Variants in DDX4 observed in about 807,000 individuals in gnomAD.
DDX4 encodes DEAD-box helicase 4.
A neutral mutation model predicts 100.0 loss-of-function variants in DDX4; 25 were observed. The ratio of observed to expected loss-of-function variants is 0.25; its 90% CI spans 0.18 to 0.35. DDX4 has a LOEUF of 0.35. DDX4 is among the 10% of genes least tolerant of loss of function. The pLI is 1.00. For synonymous variants in DDX4, 259 were observed against 275.7 expected (o/e 0.94, Z 0.60); for missense variants, 635 against 882.4 (o/e 0.72, Z 3.55).
At chr5:55,756,120 A>G (rs1759914848) in intron 3 of DDX4, among the ~76,000 whole-genome samples, 1 of 152,160 alleles carries the variant, frequency 6.6e-6, no homozygotes, top group Non-Finnish European at 1.5e-5. Context: ...GGTCATTTTT[A>G]TAGTTTCCAG....
chr5:55,788,777 C>T (rs1742383010), intron 15 of DDX4, among the ~76,000 whole-genome samples: 1 of 152,092 alleles, frequency 6.6e-6, no homozygotes, highest in Non-Finnish European at 1.5e-5. Context: ...CATAGTTTTT[C>T]TGTTTTGGCC....
At chr5:55,750,468 TG>T (rs112410213) in intron 3 of DDX4, 4 of 155,114 alleles carry the variant, frequency 2.6e-5, no homozygotes, top group Non-Finnish European at 2.9e-5. Context: ...GTCATCTTTA[TG>T]GGGGGGTGCA....
At chr5:55,799,489 C>A (rs1186070270) in intron 18 of DDX4, among the ~76,000 whole-genome samples, 1 of 152,172 alleles carries the variant, frequency 6.6e-6, no homozygotes, top group Non-Finnish European at 1.5e-5. Context: ...AGTTCTTCCA[C>A]GTCAGTCCCC....
chr5:55,755,431 A>G (rs1012529706), intron 3 of DDX4, among the ~76,000 whole-genome samples: 6 of 152,094 alleles, frequency 3.9e-5, no homozygotes, highest in Admixed American at 2.0e-4. Context: ...TTTCTCCCTT[A>G]TATCTATTAA....
rs1744418644 is a variant in DDX4 at position 55,816,378 on chromosome 5, C to G, written c.2098-85C>G. Reference sequence around the variant, plus strand: ...ATGGTAGATACTTTGAGTCCTTGCTCTCAGTCTGAGTGATGTAACTTTAAA... The same window carrying G: ...ATGGTAGATACTTTGAGTCCTTGCTGTCAGTCTGAGTGATGTAACTTTAAA... On this transcript the variant is annotated intron_variant, in intron 21 of 21. Transcript: ENST00000505374. The G allele has an allele frequency of 1.1e-5, 17 of 1,507,902 alleles. No individual in the cohort carries two copies. In the Admixed American group the frequency reaches 3.2e-4, roughly 29 times the overall value. 93.4% of individuals were successfully genotyped at this position (1,507,902 alleles called of 1,614,324 possible).
chr5:55,773,255 C>T (rs1741360971), intron 7 of DDX4: 3 of 152,200 alleles, frequency 2.0e-5, no homozygotes, highest in Admixed American at 2.0e-4. Flanking sequence ...CATGAGGGCT[C>T]TACTGTTGTG....
At chr5:55,784,414 T>C (rs1742119387) in intron 10 of DDX4, among the ~76,000 whole-genome samples, 1 of 152,194 alleles carries the variant, frequency 6.6e-6, no homozygotes, top group African/African-American at 2.4e-5. Context: ...CTCTGTCCAC[T>C]GATACAAATG....
chr5:55,758,513 G>T (rs937024398), intron 3 of DDX4, among the ~76,000 whole-genome samples: 4 of 152,020 alleles, frequency 2.6e-5, no homozygotes, highest in African/African-American at 9.7e-5. Context: ...TGTAAAACCC[G>T]ATCTCTCTGC....
intron 7 of DDX4, among the ~76,000 whole-genome samples, chr5:55,777,997 C>CA (rs1741676253): frequency 6.6e-6 from 1 of 152,084 alleles, no homozygotes; most frequent in Non-Finnish European, 1.5e-5. Flanking sequence ...GCCACTTACT[C>CA]AGCTTGATTT....
At chr5:55,798,628 T>C in intron 18 of DDX4, 57 bp downstream of exon 18, 1 of 1,477,878 alleles carries the variant, frequency 6.8e-7, no homozygotes, top group Non-Finnish European at 9.2e-7. Context: ...AATGAATAAT[T>C]TAAAAAATCA....
intron 18 of DDX4, among the ~76,000 whole-genome samples, chr5:55,799,325 A>G (rs1478664744): frequency 1.3e-5 from 2 of 151,936 alleles, no homozygotes; most frequent in Non-Finnish European, 2.9e-5. Context: ...GTCCTTCCAA[A>G]GTGCTGAGGT....
Position 55,789,314 on chromosome 5 carries a change from T to C in DDX4, c.1173-1262T>C, listed in dbSNP as rs767299898. Among the ~76,000 whole-genome samples the C allele has an allele frequency of 2.4e-4, 37 of 152,176 alleles. 1 individual carries two copies. Among genetic ancestry groups the C allele is most frequent in the Admixed American group, 6.5e-5 (1 of 15,282 alleles). On this transcript the variant is annotated intron_variant, in intron 15 of 21. Transcript: ENST00000505374. Reference sequence around the variant, plus strand: ...TCTCACCATTTTGGGGGCTTAGGAATTGGGGAACAGCTTGGCTTAGCTGGG... The same window carrying C: ...TCTCACCATTTTGGGGGCTTAGGAACTGGGGAACAGCTTGGCTTAGCTGGG...
intron 7 of DDX4, among the ~76,000 whole-genome samples, chr5:55,775,599 GTT>G (rs1169267268): frequency 2.0e-5 from 3 of 151,832 alleles, no homozygotes; most frequent in Non-Finnish European, 2.9e-5. Context: ...TCATTTTAGT[GTT>G]TTCATTTTAT....
chr5:55,804,613 G>T (rs559727546), intron 18 of DDX4, among the ~76,000 whole-genome samples: 2 of 152,112 alleles, frequency 1.3e-5, no homozygotes, highest in Non-Finnish European at 2.9e-5. Flanking sequence ...TCTCAGGTTT[G>T]TCAAAGATCA....
intron 20 of DDX4, 23 bp downstream of exon 20, chr5:55,815,194 A>T: frequency 5.0e-6 from 8 of 1,610,254 alleles, no homozygotes; most frequent in African/African-American, 1.3e-5. Flanking sequence ...TTTATGATGG[A>T]ATGGATAGTT....
At position 55,739,156 on chromosome 5, in the gene DDX4, C is replaced by T. The variant is rs941698428; in HGVS notation, c.69+124C>T. On this transcript the variant is annotated intron_variant, in intron 2 of 21. Coordinates refer to ENST00000505374, the MANE Select transcript of DDX4 (RefSeq NM_024415.3). ...TTTATCTCCATGTGATTGTTATTAA[C>T]TATTATATGGGGAATAAGAGACAAC... The T allele has an allele frequency of 2.3e-5, 15 of 657,256 alleles. No individual in the cohort carries two copies. In the African/African-American group the frequency reaches 2.4e-4, roughly 10 times the overall value. 40.7% of individuals were successfully genotyped at this position (657,256 alleles called of 1,614,324 possible). A position where few individuals can be genotyped will look rare whatever the true frequency, so the allele number is the denominator to read the frequency against.
chr5:55,816,027 C>A (rs917882053), intron 21 of DDX4, among the ~76,000 whole-genome samples: 1 of 147,220 alleles, frequency 6.8e-6, no homozygotes. Flanking sequence ...CTCAAGTGAT[C>A]CACCTGCTTC....
Position 55,811,918 on chromosome 5 carries a change from C to T in DDX4, c.1616-1755C>T, listed in dbSNP as rs747386106. 2.6e-5 allele frequency among the ~76,000 whole-genome samples: 4 copies of T among 152,026 alleles called. No individual in the cohort carries two copies. The South Asian group carries it at 6.2e-4, about 24-fold the overall frequency. ...AATACTAGCTTATTTGGCTAGTAAA[C>T]CTCTATACATTAGGAAAAACAAACC... is the stretch of plus-strand genomic sequence containing the variant. On this transcript the variant is annotated intron_variant, in intron 18 of 21. Coordinates refer to ENST00000505374, the MANE Select transcript of DDX4 (RefSeq NM_024415.3).
At chr5:55,776,855 T>G (rs1474865672) in intron 7 of DDX4, among the ~76,000 whole-genome samples, 1 of 152,180 alleles carries the variant, frequency 6.6e-6, no homozygotes, top group Non-Finnish European at 1.5e-5. Flanking sequence ...GGTAAACATA[T>G]TGGTAAACTT....
Sources: gnomAD v4.1 joint callset for allele counts (sites outside exome capture counted in the v4.1 genomes callset) on GRCh38, gnomAD v4.1.1 for gene constraint, MANE v1.5 for transcripts, NCBI Gene and HGNC (gene_info 2026-07-23, HGNC 2026-07-21) for gene names.